FBXW11: variants seen among roughly 807,000 people sequenced by gnomAD.
The protein encoded by FBXW11 is F-box and WD repeat domain containing 11, also known as F-box/WD repeat-containing protein 11.
A neutral mutation model predicts 77.6 loss-of-function variants in FBXW11; 19 were observed. The observed-to-expected ratio is 0.24, with a 90% confidence interval of 0.17 to 0.36. FBXW11 has a LOEUF of 0.36. Among genes scored for constraint, FBXW11 ranks in the 10% least tolerant of loss-of-function variants. The pLI is 1.00. For synonymous variants in FBXW11, 235 were observed against 249.4 expected (o/e 0.94, Z 0.54); for missense variants, 334 against 704.2 (o/e 0.47, Z 5.95).
At chr5:171,920,401 T>C (rs1305548057) in intron 2 of FBXW11, among the ~76,000 whole-genome samples, 2 of 143,658 alleles carry the variant, frequency 1.4e-5, no homozygotes, top group African/African-American at 5.1e-5. Flanking sequence ...CATAATCAAA[T>C]TCCACACCGC....
At chr5:171,993,519 A>C (rs1334470736) in intron 1 of FBXW11, among the ~76,000 whole-genome samples, 2 of 152,150 alleles carry the variant, frequency 1.3e-5, no homozygotes, top group Non-Finnish European at 2.9e-5. Flanking sequence ...AGGCTGAGGC[A>C]GGAGAATCGA....
chr5:171,867,491 T>TAAA (rs10671329), intron 13 of FBXW11, among the ~76,000 whole-genome samples: 15 of 137,974 alleles, frequency 1.1e-4, no homozygotes, highest in African/African-American at 2.9e-4. Flanking sequence ...AGAGACTAAT[T>TAAA]AAAAAAAAAA....
Position 171,913,106 on chromosome 5 carries a change from G to A in FBXW11, c.210+1237C>T, listed in dbSNP as rs567475721. 5.9e-5 allele frequency among the ~76,000 whole-genome samples: 9 copies of A among 152,150 alleles called. No individual in the cohort carries two copies. In the South Asian group the frequency reaches 1.9e-3, roughly 32 times the overall value. ...TATCTTAAGAAAAAAAACTATGTAT[G>A]CTTTCCTTCCCCCTTTATTTCTATA... is the stretch of plus-strand genomic sequence containing the variant. On this transcript the variant is annotated intron_variant, in intron 3 of 13. Transcript: ENST00000517395.
At chr5:171,943,597 T>C (rs1762854992) in intron 2 of FBXW11, among the ~76,000 whole-genome samples, 1 of 152,184 alleles carries the variant, frequency 6.6e-6, no homozygotes. Flanking sequence ...TAGCTGGGAT[T>C]ACAGGCATGC....
chr5:171,940,713 C>A (rs1762706977), intron 2 of FBXW11, among the ~76,000 whole-genome samples: 1 of 152,064 alleles, frequency 6.6e-6, no homozygotes, highest in Non-Finnish European at 1.5e-5. Context: ...CACAGTGAAA[C>A]CCCGTCTGTA....
chr5:171,891,640 G>C (rs545335363), intron 6 of FBXW11, 36 bp from the exon 7 acceptor site: 6 of 1,598,534 alleles, frequency 3.8e-6, no homozygotes, highest in Non-Finnish European at 5.1e-6. Context: ...GAGTTTTTAT[G>C]AATCAACTTA....
intron 1 of FBXW11, among the ~76,000 whole-genome samples, chr5:171,978,116 G>A (rs947630258): frequency 1.3e-5 from 2 of 151,802 alleles, no homozygotes; most frequent in African/African-American, 4.8e-5. Context: ...CTAATAATGA[G>A]AACAAATTAT....
chr5:171,894,649 G>A (rs1203451220), intron 6 of FBXW11, among the ~76,000 whole-genome samples: 1 of 149,764 alleles, frequency 6.7e-6, no homozygotes, highest in African/African-American at 2.5e-5. Flanking sequence ...CATGATGTCT[G>A]ACAACCTTGA....
chr5:171,997,104 G>C (rs747327944), intron 1 of FBXW11: 38 of 1,275,594 alleles, frequency 3.0e-5, no homozygotes, highest in Non-Finnish European at 3.7e-5. Flanking sequence ...CAGCGGCAAA[G>C]GACAGCCTCC....
In FBXW11 at chr5:171,862,013, T is replaced by C. The variant is rs1757119931; in HGVS notation, c.*2114A>G. 6.6e-6 allele frequency: 1 copy of C among 152,456 alleles called. No homozygotes were observed. Among genetic ancestry groups the C allele is most frequent in the African/African-American group, 2.4e-5 (1 of 41,372 alleles). 9.4% of individuals were successfully genotyped at this position (152,456 alleles called of 1,614,324 possible). A position where few individuals can be genotyped will look rare whatever the true frequency, so the allele number is the denominator to read the frequency against. On this transcript the variant is annotated 3_prime_UTR_variant, in exon 14 of 14. Transcript: ENST00000517395. ...TAATTTAGTAGGCACAATTCAAAGG[T>C]TGTCTGCATATTCAAAGGCCATCAT...
At chr5:171,909,508 T>A (rs2113925099) in intron 4 of FBXW11, among the ~76,000 whole-genome samples, 1 of 152,284 alleles carries the variant, frequency 6.6e-6, no homozygotes. Flanking sequence ...CAGCTTAGGT[T>A]CATGAATTGT....
chr5:171,870,628 T>C, intron 11 of FBXW11, 120 bp downstream of exon 11: 1 of 676,690 alleles, frequency 1.5e-6, no homozygotes, highest in South Asian at 2.1e-5. Context: ...ATACCTGCCA[T>C]CCACCATTAC....
intron 1 of FBXW11, among the ~76,000 whole-genome samples, chr5:171,959,709 G>T (rs183543227): frequency 6.6e-6 from 1 of 151,796 alleles, no homozygotes; most frequent in Non-Finnish European, 1.5e-5. Context: ...TTAGCCAGGC[G>T]TGTGGTGGCA....
chr5:172,000,912 C>A (rs931471948), intron 1 of FBXW11, among the ~76,000 whole-genome samples: 1 of 152,184 alleles, frequency 6.6e-6, no homozygotes, highest in African/African-American at 2.4e-5. Context: ...TCATGGAGCC[C>A]TTGGAGCTTA....
intron 1 of FBXW11, among the ~76,000 whole-genome samples, chr5:171,987,552 G>C (rs1338378686): frequency 6.6e-6 from 1 of 152,116 alleles, no homozygotes; most frequent in Non-Finnish European, 1.5e-5. Context: ...CCGGGTTCAA[G>C]CGATTCTCTT....
intron 2 of FBXW11, among the ~76,000 whole-genome samples, chr5:171,932,629 A>G (rs1246805242): frequency 2.0e-5 from 3 of 152,140 alleles, no homozygotes; most frequent in African/African-American, 7.2e-5. Context: ...TCACTTTGGA[A>G]GACAATTTGG....
Position 171,899,068 on chromosome 5 carries a change from G to A in FBXW11, c.650C>T (p.Pro217Leu). Residue 217 changes from proline (P) to leucine (L), a missense_variant, in exon 6 of 14, where the codon CCC becomes CTC. Coordinates refer to ENST00000517395, the MANE Select transcript of FBXW11 (RefSeq NM_001378974.1). Reference sequence around the variant, plus strand: ...AAATGAATTTGGAGGGCCATCTGTGGGTCTGTTTTTAAACAGGTACTGATC... The same window carrying A: ...AAATGAATTTGGAGGGCCATCTGTGAGTCTGTTTTTAAACAGGTACTGATC... Reference protein sequence around the residue: ...GWDQYLFKNRPTDGPPNSFYR... With the variant: ...GWDQYLFKNRLTDGPPNSFYR... 8.1e-6 allele frequency: 13 copies of A among 1,608,934 alleles called. No homozygotes were observed. Among genetic ancestry groups the A allele is most frequent in the Non-Finnish European group, 1.1e-5 (13 of 1,178,038 alleles).
intron 1 of FBXW11, among the ~76,000 whole-genome samples, chr5:171,966,497 C>G (rs567919416): frequency 6.6e-6 from 1 of 152,318 alleles, no homozygotes; most frequent in East Asian, 1.9e-4. Flanking sequence ...TGACAGAGAA[C>G]AGGATGTAAC....
intron 1 of FBXW11, among the ~76,000 whole-genome samples, chr5:171,991,782 T>C (rs1176434636): frequency 6.6e-6 from 1 of 152,086 alleles, no homozygotes; most frequent in East Asian, 1.9e-4. Context: ...TAGGAGTAAG[T>C]AATAGCAGGC....
Sources: allele counts gnomAD v4.1 joint callset (sites outside exome capture counted in the v4.1 genomes callset), GRCh38; gene constraint gnomAD v4.1.1; transcripts MANE v1.5; gene names NCBI Gene and HGNC (gene_info 2026-07-23, HGNC 2026-07-21).